The following NALF1 variants were observed in gnomAD, a reference collection of about 807,000 sequenced individuals.
The protein encoded by NALF1 is family with sequence similarity 155 member A.
A neutral mutation model predicts 48.4 loss-of-function variants in NALF1; 3 were observed. That is an observed-to-expected ratio of 0.06 (90% confidence interval 0.03 to 0.16). NALF1 has a LOEUF of 0.16. NALF1 is among the 10% of genes least tolerant of loss of function. The pLI, the probability that NALF1 is intolerant of heterozygous loss-of-function variation, is 1.00. For missense variants in NALF1, 526 were observed against 571.5 expected (o/e 0.92, Z 0.81); for synonymous variants, 262 against 245.7 (o/e 1.07, Z -0.62).
intron 1 of NALF1, among the ~76,000 whole-genome samples, chr13:107,620,148 AAAT>A (rs1483267356): frequency 6.6e-6 from 1 of 152,182 alleles, no homozygotes; most frequent in Non-Finnish European, 1.5e-5. Context: ...GGAGAAGAAA[AAAT>A]AATGCCAATG....
chr13:107,427,354 CTA>C (rs1884297957), intron 1 of NALF1, among the ~76,000 whole-genome samples: 1 of 151,772 alleles, frequency 6.6e-6, no homozygotes, highest in South Asian at 2.1e-4. Context: ...CTTTTTGTCT[CTA>C]GAGTATAATA....
At chr13:107,837,069 TG>T (rs1452517727) in intron 1 of NALF1, among the ~76,000 whole-genome samples, 1 of 152,184 alleles carries the variant, frequency 6.6e-6, no homozygotes, top group African/African-American at 2.4e-5. Context: ...CTTTAATCCA[TG>T]ATAGAGCTTG....
intron 1 of NALF1, among the ~76,000 whole-genome samples, chr13:107,785,136 G>A (rs941254442): frequency 4.6e-5 from 7 of 151,690 alleles, no homozygotes; most frequent in African/African-American, 1.5e-4. Flanking sequence ...TCATATATAT[G>A]TGTGTGTATA....
At chr13:107,386,987 T>C (rs1883542036) in intron 1 of NALF1, among the ~76,000 whole-genome samples, 1 of 152,122 alleles carries the variant, frequency 6.6e-6, no homozygotes, top group Admixed American at 6.5e-5. Context: ...AAGATTGCAG[T>C]TCATGTATTA....
Position 107,639,391 on chromosome 13 carries a change from G to C in NALF1, c.915+226291C>G, listed in dbSNP as rs578143649. On this transcript the variant is annotated intron_variant, in intron 1 of 2. Transcript: ENST00000375915. The stretch of plus-strand genomic sequence containing the variant: ...CAGCCAAAAAAAACACGATAGTTCT[G>C]TAGACACTCCATGCCATGCACGCAT... Among the ~76,000 whole-genome samples the C allele has an allele frequency of 2.0e-5, 3 of 152,170 alleles. No individual in the cohort carries two copies. The East Asian group carries it at 5.8e-4, about 29-fold the overall frequency.
intron 1 of NALF1, among the ~76,000 whole-genome samples, chr13:107,516,769 T>C (rs1273956721): frequency 6.6e-6 from 1 of 152,198 alleles, no homozygotes; most frequent in African/African-American, 2.4e-5. Flanking sequence ...CACCATGAAT[T>C]CTGAATGTCT....
intron 1 of NALF1, among the ~76,000 whole-genome samples, chr13:107,549,661 T>A (rs528874058): frequency 6.2e-4 from 94 of 152,266 alleles, no homozygotes; most frequent in Middle Eastern, 3.4e-3. Flanking sequence ...TGAGAGCAAG[T>A]TCCAGATATA....
intron 1 of NALF1, among the ~76,000 whole-genome samples, chr13:107,575,096 C>T (rs1878099529): frequency 6.6e-6 from 1 of 152,028 alleles, no homozygotes; most frequent in South Asian, 2.1e-4. Context: ...CCTAAGTGCA[C>T]AAGGCCCACC....
intron 2 of NALF1, among the ~76,000 whole-genome samples, chr13:107,176,567 G>A (rs996545883): frequency 2.3e-4 from 35 of 151,894 alleles, no homozygotes; most frequent in African/African-American, 6.3e-4. Context: ...GCGTGAACCC[G>A]GGAGGCGGAG....
chr13:107,798,898 A>G (rs1167212227), intron 1 of NALF1, among the ~76,000 whole-genome samples: 1 of 152,238 alleles, frequency 6.6e-6, no homozygotes, highest in East Asian at 1.9e-4. Flanking sequence ...CAGTAAACAC[A>G]TACATCGTAG....
At chr13:107,342,964 T>C (rs1434558356) in intron 1 of NALF1, among the ~76,000 whole-genome samples, 6 of 152,096 alleles carry the variant, frequency 3.9e-5, no homozygotes, top group Non-Finnish European at 5.9e-5. Context: ...CAACAATGGA[T>C]AGAACAATCA....
At chr13:107,631,145 C>G (rs1209726353) in intron 1 of NALF1, among the ~76,000 whole-genome samples, 1 of 152,086 alleles carries the variant, frequency 6.6e-6, no homozygotes, top group African/African-American at 2.4e-5. Flanking sequence ...TACAGGCTCA[C>G]GCCACCACAC....
chr13:107,582,970 T>A (rs1034901178), intron 1 of NALF1, among the ~76,000 whole-genome samples: 11 of 152,116 alleles, frequency 7.2e-5, no homozygotes, highest in African/African-American at 2.4e-4. Context: ...GTATATCACC[T>A]TTTCCCCCCT....
In NALF1 at chr13:107,581,432, T is replaced by C. The variant is rs926136371; in HGVS notation, c.915+284250A>G. On this transcript the variant is annotated intron_variant, in intron 1 of 2. Transcript: ENST00000375915. Reference sequence around the variant, plus strand: ...TATTATATATGTCTTGAAAGCATAATATAGTGTTTATCTGTTCTGTCTAGA... The same window carrying C: ...TATTATATATGTCTTGAAAGCATAACATAGTGTTTATCTGTTCTGTCTAGA... 2.0e-5 allele frequency among the ~76,000 whole-genome samples: 3 copies of C among 152,194 alleles called. No homozygotes were observed. The East Asian group carries it at 5.8e-4, about 29-fold the overall frequency.
intron 1 of NALF1, among the ~76,000 whole-genome samples, chr13:107,501,730 T>G (rs909231086): frequency 4.6e-5 from 7 of 152,112 alleles, no homozygotes; most frequent in Non-Finnish European, 5.9e-5. Context: ...AATGCTGGGG[T>G]TTTTGCATTC....
chr13:107,526,894 GC>G (rs1876464795), intron 1 of NALF1, among the ~76,000 whole-genome samples: 1 of 152,154 alleles, frequency 6.6e-6, no homozygotes, highest in Admixed American at 6.6e-5. Context: ...AGCTTGGAAA[GC>G]GTTTGTCTAC....
intron 1 of NALF1, among the ~76,000 whole-genome samples, chr13:107,269,311 T>C (rs117753214): frequency 0.04 from 6,012 of 151,874 alleles, 178 homozygotes; most frequent in Non-Finnish European, 0.065. Flanking sequence ...ATGGGTAGAT[T>C]TGGGAGGTCT....
At chr13:107,837,626 C>A (rs1382826199) in intron 1 of NALF1, among the ~76,000 whole-genome samples, 2 of 152,216 alleles carry the variant, frequency 1.3e-5, no homozygotes, top group Non-Finnish European at 2.9e-5. Context: ...TTGAGTGACA[C>A]AAATAACCTG....
intron 1 of NALF1, among the ~76,000 whole-genome samples, chr13:107,682,287 T>C (rs1041112440): frequency 6.6e-6 from 1 of 152,188 alleles, no homozygotes; most frequent in East Asian, 1.9e-4. Flanking sequence ...AGCCAGCAAC[T>C]GTGATGGCGA....
Sources: gnomAD v4.1 joint callset for allele counts (sites outside exome capture counted in the v4.1 genomes callset) on GRCh38, gnomAD v4.1.1 for gene constraint, MANE v1.5 for transcripts, NCBI Gene and HGNC (gene_info 2026-07-23, HGNC 2026-07-21) for gene names.